The following EPM2A variants were observed in gnomAD, a reference collection of about 807,000 sequenced individuals.
EPM2A encodes laforin.
In EPM2A, 21 loss-of-function variants were observed where a neutral mutation model predicts 26.5. The ratio of observed to expected loss-of-function variants is 0.79; its 90% CI spans 0.56 to 1.14. EPM2A has a LOEUF of 1.14. Ranked by LOEUF, EPM2A falls within the 50% of genes most tolerant of loss-of-function variation. The probability of loss-of-function intolerance (pLI) is 0.00; values close to 1 mark genes in which losing one functional copy is unlikely to be tolerated. For synonymous variants in EPM2A, 217 were observed against 177.6 expected (o/e 1.22, Z -1.76); for missense variants, 458 against 440.8 (o/e 1.04, Z -0.35).
intron 2 of EPM2A, among the ~76,000 whole-genome samples, chr6:145,650,643 A>C (rs1280776635): frequency 6.6e-6 from 1 of 152,200 alleles, no homozygotes; most frequent in African/African-American, 2.4e-5. Context: ...TTTGATTCTT[A>C]AAGGATAGGT....
chr6:145,705,432 G>T, intron 1 of EPM2A: 1 of 392,142 alleles, frequency 2.6e-6, no homozygotes, highest in Admixed American at 3.1e-5. Context: ...GCACACACCT[G>T]TAGTCTCAGC....
intron 4 of EPM2A, among the ~76,000 whole-genome samples, chr6:145,475,034 G>C (rs1018251810): frequency 6.6e-6 from 1 of 152,188 alleles, no homozygotes; most frequent in Non-Finnish European, 1.5e-5. Flanking sequence ...GTGTAAATTA[G>C]TTCAATCATT....
intron 1 of EPM2A, chr6:145,734,712 G>C (rs1037816167): frequency 6.6e-6 from 1 of 152,264 alleles, no homozygotes; most frequent in Non-Finnish European, 1.5e-5. Flanking sequence ...GCAGGAAAAT[G>C]AGGACACAAA....
intron 4 of EPM2A, among the ~76,000 whole-genome samples, chr6:145,488,170 G>T (rs1193275258): frequency 6.6e-6 from 1 of 151,998 alleles, no homozygotes; most frequent in Admixed American, 6.6e-5. Context: ...CTGTTCCATT[G>T]GTCTAGGTGA....
At chr6:145,552,899 T>C (rs1361753033) in intron 2 of EPM2A, among the ~76,000 whole-genome samples, 1 of 152,128 alleles carries the variant, frequency 6.6e-6, no homozygotes, top group Non-Finnish European at 1.5e-5. Context: ...TGGTGGAATA[T>C]AGCATGTGCC....
intron 2 of EPM2A, among the ~76,000 whole-genome samples, chr6:145,547,148 T>C (rs1780592514): frequency 6.6e-6 from 1 of 152,120 alleles, no homozygotes; most frequent in African/African-American, 2.4e-5. Flanking sequence ...ACCTATCAAC[T>C]TTCTATCAAA....
chr6:145,644,315 C>T (rs745548676), intron 2 of EPM2A, among the ~76,000 whole-genome samples: 24 of 152,078 alleles, frequency 1.6e-4, no homozygotes, highest in Non-Finnish European at 2.9e-4. Context: ...AGTGAGCAAG[C>T]TGCAGGAAAC....
At chr6:145,431,131 A>T (rs1003297773) in intron 4 of EPM2A, among the ~76,000 whole-genome samples, 3 of 152,228 alleles carry the variant, frequency 2.0e-5, no homozygotes, top group Middle Eastern at 3.2e-3. Context: ...ACAACAGCAG[A>T]GAGATAGAAA....
chr6:145,672,826 G>A (rs568557284), intron 2 of EPM2A, among the ~76,000 whole-genome samples: 7 of 152,308 alleles, frequency 4.6e-5, no homozygotes, highest in Non-Finnish European at 8.8e-5. Flanking sequence ...GCAGGAGTTT[G>A]GCAAAGCCTT....
intron 4 of EPM2A, among the ~76,000 whole-genome samples, chr6:145,459,693 T>C (rs1181509351): frequency 7.3e-6 from 1 of 136,556 alleles, no homozygotes. Context: ...TATACACTTC[T>C]TTTAGCATAC....
At chr6:145,457,493 AAAAAAG>A (rs2114713702) in intron 4 of EPM2A, among the ~76,000 whole-genome samples, 1 of 151,972 alleles carries the variant, frequency 6.6e-6, no homozygotes, top group East Asian at 1.9e-4. Flanking sequence ...AAAAAAAAAA[AAAAAAG>A]AAAAAGAAAA....
Position 145,626,502 on chromosome 6 carries a change from A to C in EPM2A, c.*914T>G, listed in dbSNP as rs1446427451. ...CTAGATTCTTTGGCAACTGATCAGA[A>C]TACTATTCTATGTCTCGCTATAGAA... is the stretch of plus-strand genomic sequence containing the variant. On this transcript the variant is annotated 3_prime_UTR_variant, in exon 4 of 4. Transcript: ENST00000367519. 3.0e-5 allele frequency: 30 copies of C among 985,806 alleles called. No homozygotes were observed. Among genetic ancestry groups the C allele is most frequent in the Non-Finnish European group, 3.5e-5 (29 of 829,962 alleles). 61.1% of individuals were successfully genotyped at this position (985,806 alleles called of 1,614,324 possible). A position where few individuals can be genotyped will look rare whatever the true frequency, so the allele number is the denominator to read the frequency against.
intron 2 of EPM2A, among the ~76,000 whole-genome samples, chr6:145,542,673 T>C (rs1296392854): frequency 1.3e-5 from 2 of 152,168 alleles, no homozygotes; most frequent in African/African-American, 2.4e-5. Context: ...CAGTCAAATG[T>C]TGTTTTGGAT....
upstream of EPM2A, chr6:145,735,546 G>C (rs920955484): frequency 5.3e-6 from 6 of 1,136,740 alleles, no homozygotes; most frequent in African/African-American, 4.9e-5. Flanking sequence ...CCCCGCGGCC[G>C]GCAGGCGCGG....
chr6:145,447,653 A>T (rs368231886), intron 4 of EPM2A, among the ~76,000 whole-genome samples: 2 of 152,154 alleles, frequency 1.3e-5, no homozygotes, highest in Non-Finnish European at 2.9e-5. Context: ...TGCATGGAAT[A>T]CAAGAAACTT....
intron 4 of EPM2A, among the ~76,000 whole-genome samples, chr6:145,417,784 C>T (rs1307609289): frequency 6.6e-6 from 1 of 151,812 alleles, no homozygotes; most frequent in Non-Finnish European, 1.5e-5. Flanking sequence ...ACAGCTGAAT[C>T]GTGAATGCAG....
At chr6:145,646,301 C>T (rs1011684378) in intron 2 of EPM2A, among the ~76,000 whole-genome samples, 9 of 152,016 alleles carry the variant, frequency 5.9e-5, no homozygotes, top group Admixed American at 3.9e-4. Flanking sequence ...GGATTACAGG[C>T]ACGTGCCACC....
At position 145,627,430 on chromosome 6, in the gene EPM2A, CAGA is replaced by C. The variant is rs773540623; in HGVS notation, c.979_981del (p.Ser327del). 1.9e-6 allele frequency: 3 copies of C among 1,614,220 alleles called. No individual in the cohort carries two copies. The highest frequency in any genetic ancestry group is 2.2e-5 in the South Asian group (2 of 91,088). On this transcript the variant is annotated inframe_deletion, in exon 4 of 4. Coordinates refer to ENST00000367519, the MANE Select transcript of EPM2A (RefSeq NM_005670.4). ...AGGCTGACCAGCTACAGGCTACACA[CAGA>C]AGAACGAACCTTCCCAAATTTCTGG...
At chr6:145,704,928 T>C (rs1380741022) in intron 1 of EPM2A, among the ~76,000 whole-genome samples, 3 of 152,258 alleles carry the variant, frequency 2.0e-5, no homozygotes, top group South Asian at 2.1e-4. Flanking sequence ...GAAAAACTTA[T>C]GCTTTAAGAC....
Sources: gnomAD v4.1 joint callset for allele counts (sites outside exome capture counted in the v4.1 genomes callset) on GRCh38, gnomAD v4.1.1 for gene constraint, MANE v1.5 for transcripts, NCBI Gene and HGNC (gene_info 2026-07-23, HGNC 2026-07-21) for gene names.